The following SRD5A1 variants were observed in gnomAD, a reference collection of about 807,000 sequenced individuals.
SRD5A1 encodes the protein 3-oxo-5-alpha-steroid 4-dehydrogenase 1.
In SRD5A1, 22 loss-of-function variants were observed where a neutral mutation model predicts 28.2. That is an observed-to-expected ratio of 0.78 (90% CI 0.56 to 1.12). The LOEUF (loss-of-function observed/expected upper bound fraction) is 1.12, where lower values mean the gene tolerates loss of function less well. Ranked by LOEUF, SRD5A1 falls within the 50% of genes most tolerant of loss-of-function variation. SRD5A1 has a pLI of 0.00. For synonymous variants in SRD5A1, 151 were observed against 135.0 expected, an observed-to-expected ratio of 1.12 and a Z score of -0.82; for missense variants, 300 against 346.7, an observed-to-expected ratio of 0.87 and a Z score of 1.07.
At position 6,672,700 on chromosome 5, in the gene SRD5A1, T is replaced by A. The variant is rs1739397482; in HGVS notation, c.*4432T>A. ...GTGAGCCATCACTCTTTGCACCTCTTGCTGTGATTGACATGGTATACCTTA... is the reference window on the plus strand; with the variant it reads ...GTGAGCCATCACTCTTTGCACCTCTAGCTGTGATTGACATGGTATACCTTA... On this transcript the variant is annotated 3_prime_UTR_variant, in exon 5 of 5. Transcript: ENST00000274192. The A allele has an allele frequency of 6.6e-6, 1 of 152,276 alleles. No homozygotes were observed. Among genetic ancestry groups the A allele is most frequent in the Admixed American group, 6.5e-5 (1 of 15,292 alleles). The allele number at this position is 152,276 out of a possible 1,614,324, so 9.4% of individuals were successfully genotyped here.
chr5:6,640,537 T>TTC (rs1160294494), intron 1 of SRD5A1, among the ~76,000 whole-genome samples: 1 of 151,598 alleles, frequency 6.6e-6, no homozygotes, highest in Admixed American at 6.6e-5. Flanking sequence ...TATTCTTTTT[T>TTC]TTTTTTTCAA....
At chr5:6,652,129 G>A in intron 2 of SRD5A1, 121 bp downstream of exon 2, 2 of 1,172,454 alleles carry the variant, frequency 1.7e-6, no homozygotes, top group Non-Finnish European at 1.2e-6. Context: ...AGAGAAAGCA[G>A]CAGCACCCCG....
At chr5:6,663,304 G>A (rs1187497750) in intron 4 of SRD5A1, among the ~76,000 whole-genome samples, 1 of 152,204 alleles carries the variant, frequency 6.6e-6, no homozygotes. Context: ...ATAGCCAATG[G>A]CCAGCTTGCG....
Position 6,661,473 on chromosome 5 carries a change from C to A in SRD5A1, c.563-1343C>A, listed in dbSNP as rs535589289. 6.7e-5 allele frequency among the ~76,000 whole-genome samples: 10 copies of A among 150,176 alleles called. No homozygotes were observed. The East Asian group carries it at 1.9e-3, about 29-fold the overall frequency. On this transcript the variant is annotated intron_variant, in intron 3 of 4. Coordinates refer to ENST00000274192, the MANE Select transcript of SRD5A1 (RefSeq NM_001047.4). ...GTGTGCTCAGAGATGTAGTCTCTAC[C>A]CTATGCTGCAGTATTTGCTGAAATT...
At chr5:6,634,042 C>T (rs889380991) in intron 1 of SRD5A1, among the ~76,000 whole-genome samples, 173 bp downstream of exon 1, 6 of 152,238 alleles carry the variant, frequency 3.9e-5, no homozygotes, top group South Asian at 2.1e-4. Context: ...CCGAGTCCCC[C>T]GGCCCCGGGA....
At chr5:6,661,835 A>AT (rs1338090725) in intron 3 of SRD5A1, among the ~76,000 whole-genome samples, 13 of 151,674 alleles carry the variant, frequency 8.6e-5, no homozygotes, top group East Asian at 7.8e-4. Flanking sequence ...GCCCAGCCTA[A>AT]TTTTTTTTTA....
chr5:6,661,530 CTTTTTTTTTT>C (rs11402128), intron 3 of SRD5A1, among the ~76,000 whole-genome samples: 3 of 118,276 alleles, frequency 2.5e-5, no homozygotes, highest in Non-Finnish European at 5.1e-5. Flanking sequence ...ATAGGTTTGT[CTTTTTTTTTT>C]TTTTTTTTTT....
intron 4 of SRD5A1, among the ~76,000 whole-genome samples, chr5:6,663,809 G>A (rs186907892): frequency 1.3e-3 from 196 of 151,964 alleles, no homozygotes; most frequent in African/African-American, 4.4e-3. Flanking sequence ...GCAGTGAGCC[G>A]ATATCGCACC....
intron 1 of SRD5A1, among the ~76,000 whole-genome samples, chr5:6,636,667 G>A (rs985057916): frequency 6.6e-6 from 1 of 152,220 alleles, no homozygotes; most frequent in Non-Finnish European, 1.5e-5. Context: ...ATGAGTACAG[G>A]ACAGTCAGGT....
chr5:6,657,309 T>C (rs955572626), intron 3 of SRD5A1, among the ~76,000 whole-genome samples: 2 of 152,240 alleles, frequency 1.3e-5, no homozygotes, highest in African/African-American at 4.8e-5. Flanking sequence ...GACAGGCTGC[T>C]GATCACCTAT....
In SRD5A1 at chr5:6,662,714, G is replaced by A. The variant is rs524817; in HGVS notation, c.563-102G>A. The stretch of plus-strand genomic sequence containing the variant: ...CATTCTGTAAGGATAATATTTTTCC[G>A]TTCTTGAATTTATGTTCTCCAGGTA... On this transcript the variant is annotated intron_variant, in intron 3 of 4. Coordinates refer to ENST00000274192, the MANE Select transcript of SRD5A1 (RefSeq NM_001047.4). 6,515 of 1,297,562 alleles carry A rather than the reference G, an allele frequency of 5.0e-3. 256 individuals carry two copies. In the African/African-American group the frequency reaches 0.081, roughly 16 times the overall value. The allele number at this position is 1,297,562 out of a possible 1,614,324, so 80.4% of individuals were successfully genotyped here.
chr5:6,659,349 G>A (rs369318466), intron 3 of SRD5A1, among the ~76,000 whole-genome samples: 41 of 152,010 alleles, frequency 2.7e-4, no homozygotes, highest in East Asian at 1.2e-3. Context: ...TCCTGACCTC[G>A]TGATCCGCCC....
At chr5:6,651,628 G>A (rs1237525554) in intron 1 of SRD5A1, among the ~76,000 whole-genome samples, 1 of 152,134 alleles carries the variant, frequency 6.6e-6, no homozygotes, top group Non-Finnish European at 1.5e-5. Flanking sequence ...CCACTGTACT[G>A]CAGCCTGGGC....
chr5:6,655,056 C>T (rs2126542227), intron 2 of SRD5A1, among the ~76,000 whole-genome samples: 1 of 152,292 alleles, frequency 6.6e-6, no homozygotes, highest in East Asian at 1.9e-4. Context: ...GTGGCAAAAT[C>T]AGAAGGAAGA....
At chr5:6,660,148 A>G (rs955724123) in intron 3 of SRD5A1, among the ~76,000 whole-genome samples, 1 of 152,314 alleles carries the variant, frequency 6.6e-6, no homozygotes, top group East Asian at 1.9e-4. Flanking sequence ...GGCTTAGGAC[A>G]AGTGCTGTGG....
Position 6,671,683 on chromosome 5 carries a change from G to A in SRD5A1, c.*3415G>A, listed in dbSNP as rs910646994. The stretch of plus-strand genomic sequence containing the variant: ...ATGGACTTTGGGGACTTGGGGGGAA[G>A]GGTAAGGGGGGGTGAGGAATAAAAG... On this transcript the variant is annotated 3_prime_UTR_variant, in exon 5 of 5. Coordinates refer to ENST00000274192, the MANE Select transcript of SRD5A1 (RefSeq NM_001047.4). 1 of 143,022 alleles carries A rather than the reference G, an allele frequency of 7.0e-6. No individual in the cohort carries two copies. The highest frequency in any genetic ancestry group is 7.0e-5 in the Admixed American group (1 of 14,252). The allele number at this position is 143,022 out of a possible 1,614,324, so 8.9% of individuals were successfully genotyped here. A position where few individuals can be genotyped will look rare whatever the true frequency, so the allele number is the denominator to read the frequency against.
intron 3 of SRD5A1, among the ~76,000 whole-genome samples, chr5:6,660,605 G>A (rs1344525565): frequency 6.6e-6 from 1 of 152,208 alleles, no homozygotes; most frequent in Non-Finnish European, 1.5e-5. Context: ...GAATGCTTTG[G>A]GTCCATTCTT....
rs146294543 is a variant in SRD5A1, at chr5:6,648,088, G to T, written c.294-3754G>T. On this transcript the variant is annotated intron_variant, in intron 1 of 4. Transcript: ENST00000274192. The stretch of plus-strand genomic sequence containing the variant: ...AAGAAAAGAAAATTCTTTTCTTTCA[G>T]AATGTTGAATATTGGCCCCCACTCT... Among the ~76,000 whole-genome samples, 1,121 of 152,260 alleles carry T rather than the reference G, an allele frequency of 7.4e-3. 13 individuals are homozygous for T. The highest frequency in any genetic ancestry group is 0.026 in the African/African-American group (1,064 of 41,538).
intron 2 of SRD5A1, 81 bp downstream of exon 2, chr5:6,652,089 G>A: frequency 1.4e-6 from 2 of 1,442,804 alleles, no homozygotes; most frequent in African/African-American, 1.4e-5. Flanking sequence ...TAATGAGAAA[G>A]TCCAAGCTTC....
Sources: gnomAD v4.1 joint callset for allele counts (sites outside exome capture counted in the v4.1 genomes callset) on GRCh38, gnomAD v4.1.1 for gene constraint, MANE v1.5 for transcripts, NCBI Gene and HGNC (gene_info 2026-07-23, HGNC 2026-07-21) for gene names.